The following CLPTM1 variants were observed in gnomAD, a reference collection of about 807,000 sequenced individuals.
CLPTM1 encodes the protein putative lipid scramblase CLPTM1.
CLPTM1 carries 21 observed loss-of-function variants against 77.3 expected under a neutral mutation model. The ratio of observed to expected loss-of-function variants is 0.27; its 90% CI spans 0.19 to 0.39. The LOEUF (loss-of-function observed/expected upper bound fraction) is 0.39, where lower values mean the gene tolerates loss of function less well. Ranked by LOEUF, CLPTM1 falls within the 10% of genes least tolerant of loss-of-function variation. The probability of loss-of-function intolerance (pLI) is 1.00; values close to 1 mark genes in which losing one functional copy is unlikely to be tolerated. For synonymous variants in CLPTM1, 373 were observed against 381.0 expected (o/e 0.98, Z 0.24); for missense variants, 642 against 921.2 (o/e 0.70, Z 3.92).
At chr19:44,956,280 G>T (rs1173170417) in intron 1 of CLPTM1, among the ~76,000 whole-genome samples, 5 of 152,312 alleles carry the variant, frequency 3.3e-5, no homozygotes, top group Admixed American at 3.3e-4. Context: ...CTGACTCTCT[G>T]TGTGACCTTG....
chr19:44,987,806 G>T (rs538213723), intron 8 of CLPTM1: 61 of 571,532 alleles, frequency 1.1e-4, no homozygotes, highest in Admixed American at 1.8e-4. Context: ...GTCACTGTTG[G>T]GTCTCTGCTC....
chr19:44,964,282 A>G (rs1337785597), intron 2 of CLPTM1, among the ~76,000 whole-genome samples: 1 of 80,948 alleles, frequency 1.2e-5, no homozygotes, highest in African/African-American at 4.4e-5. Context: ...ATTTTAACCT[A>G]TGTTTTCATT....
chr19:44,954,971 G>A (rs1265005089), upstream of CLPTM1: 4 of 1,534,928 alleles, frequency 2.6e-6, no homozygotes, highest in African/African-American at 5.5e-5. Flanking sequence ...AGAGGGGCGT[G>A]GTTCGAAGCC....
At chr19:44,965,929 G>A (rs1970621557) in intron 2 of CLPTM1, among the ~76,000 whole-genome samples, 1 of 152,270 alleles carries the variant, frequency 6.6e-6, no homozygotes, top group Admixed American at 6.5e-5. Flanking sequence ...CTGGGAAACT[G>A]AGCACCCTGC....
chr19:44,985,629 AGCCAGGC>A (rs1970965429), intron 6 of CLPTM1, among the ~76,000 whole-genome samples: 1 of 152,202 alleles, frequency 6.6e-6, no homozygotes, highest in Admixed American at 6.5e-5. Context: ...TCACCCACAC[AGCCAGGC>A]CCCAGAGCCC....
chr19:44,954,940 C>T, upstream of CLPTM1: 1 of 1,519,102 alleles, frequency 6.6e-7, no homozygotes, highest in South Asian at 1.2e-5. Flanking sequence ...ATACGGTGGC[C>T]AGAAAGGTTC....
At chr19:44,957,504 G>T (rs1171351487) in intron 1 of CLPTM1, among the ~76,000 whole-genome samples, 2 of 152,254 alleles carry the variant, frequency 1.3e-5, no homozygotes, top group Non-Finnish European at 2.9e-5. Context: ...ATTCCCTGAT[G>T]CCGTGGTGGA....
chr19:44,963,760 A>C (rs1475497942), intron 2 of CLPTM1, among the ~76,000 whole-genome samples: 1 of 151,918 alleles, frequency 6.6e-6, no homozygotes, highest in African/African-American at 2.4e-5. Flanking sequence ...GCTGGAATTA[A>C]GGTATGTGCC....
At chr19:44,958,998 A>AT (rs1488961224) in intron 1 of CLPTM1, among the ~76,000 whole-genome samples, 1 of 152,030 alleles carries the variant, frequency 6.6e-6, no homozygotes, top group Non-Finnish European at 1.5e-5. Context: ...TTTTTATTTT[A>AT]TTTTTTACAA....
At chr19:44,968,320 G>A (rs2030623619) in intron 2 of CLPTM1, among the ~76,000 whole-genome samples, 1 of 152,146 alleles carries the variant, frequency 6.6e-6, no homozygotes, top group Admixed American at 6.6e-5. Context: ...ATAGCGGGTG[G>A]CGTCTGTGTT....
intron 9 of CLPTM1, chr19:44,989,864 C>T (rs1372908690): frequency 6.5e-6 from 1 of 153,712 alleles, no homozygotes; most frequent in Non-Finnish European, 1.4e-5. Flanking sequence ...AGACTGGAGC[C>T]CAGGGCCCTT....
At chr19:44,971,342 ATTG>A (rs1970714736) in intron 2 of CLPTM1, among the ~76,000 whole-genome samples, 2 of 128,156 alleles carry the variant, frequency 1.6e-5, no homozygotes, top group African/African-American at 7.3e-5. Context: ...TATAAAATAT[ATTG>A]ATATTTTCTT....
intron 1 of CLPTM1, chr19:44,955,708 C>T (rs1201514769): frequency 5.2e-6 from 2 of 385,742 alleles, no homozygotes; most frequent in East Asian, 3.7e-5. Context: ...GCTCATTGCT[C>T]GATCCGGGGA....
chr19:44,957,522 A>G (rs1304740394), intron 1 of CLPTM1, among the ~76,000 whole-genome samples: 1 of 152,258 alleles, frequency 6.6e-6, no homozygotes, highest in African/African-American at 2.4e-5. Context: ...GGATCCAGGT[A>G]ATCAGTGAAG....
intron 6 of CLPTM1, 73 bp from the exon 7 acceptor site, chr19:44,986,382 G>T: frequency 2.0e-6 from 3 of 1,538,266 alleles, no homozygotes; most frequent in Non-Finnish European, 2.6e-6. Context: ...CCCTGGGGAG[G>T]AAGTGTACAG....
At chr19:44,974,027 G>A (rs566992928) in intron 3 of CLPTM1, among the ~76,000 whole-genome samples, 175 of 152,116 alleles carry the variant, frequency 1.2e-3, no homozygotes, top group Non-Finnish European at 1.8e-3. Context: ...GCCTCCCAAC[G>A]TGCTGGGATC....
intron 5 of CLPTM1, among the ~76,000 whole-genome samples, chr19:44,981,454 A>G (rs980675133): frequency 6.6e-6 from 1 of 152,066 alleles, no homozygotes; most frequent in Non-Finnish European, 1.5e-5. Flanking sequence ...TTAGCCAGAT[A>G]TGGTGGTGCG....
chr19:44,976,112 C>T (rs1970802353), intron 4 of CLPTM1, among the ~76,000 whole-genome samples: 1 of 152,200 alleles, frequency 6.6e-6, no homozygotes, highest in Non-Finnish European at 1.5e-5. Context: ...ACCTCAGCCT[C>T]TCAAAGTGCT....
In CLPTM1 at chr19:44,992,126, T is replaced by C; in HGVS notation, c.1556-107T>C. The C allele has an allele frequency of 8.6e-7, 1 of 1,161,616 alleles. No homozygotes were observed. The highest frequency in any genetic ancestry group is 2.1e-4 in the Middle Eastern group (1 of 4,832). 72.0% of individuals were successfully genotyped at this position (1,161,616 alleles called of 1,614,324 possible). On this transcript the variant is annotated intron_variant, in intron 12 of 13. Coordinates refer to ENST00000337392, the MANE Select transcript of CLPTM1 (RefSeq NM_001294.4). The surrounding 1 kb of genome is among the most constrained non-coding windows in gnomAD (Gnocchi z 7.7). ...TGCCCAGGTATAGGAAGTGGTAGAGTGTGCCCAGGTGTAGGAAGTGGTGAG... is the reference window on the plus strand; with the variant it reads ...TGCCCAGGTATAGGAAGTGGTAGAGCGTGCCCAGGTGTAGGAAGTGGTGAG...
Sources: allele counts gnomAD v4.1 joint callset (sites outside exome capture counted in the v4.1 genomes callset), GRCh38; gene constraint gnomAD v4.1.1; non-coding constraint Gnocchi (gnomAD v3.1); transcripts MANE v1.5; gene names NCBI Gene and HGNC (gene_info 2026-07-23, HGNC 2026-07-21).